Variants in KCNIP4 observed in about 807,000 individuals in gnomAD.
The protein encoded by KCNIP4 is Kv channel-interacting protein 4.
KCNIP4 carries 12 observed loss-of-function variants against 34.0 expected under a neutral mutation model. The observed-to-expected ratio is 0.35, with a 90% CI of 0.23 to 0.57. The LOEUF (loss-of-function observed/expected upper bound fraction) is 0.57, where lower values mean the gene tolerates loss of function less well. KCNIP4 is among the 20% of genes least tolerant of loss of function. The pLI is 0.83. For synonymous variants in KCNIP4, 124 were observed against 102.2 expected, an observed-to-expected ratio of 1.21 and a Z score of -1.29; for missense variants, 238 against 311.7, an observed-to-expected ratio of 0.76 and a Z score of 1.78.
chr4:21,213,598 G>A (rs955916161), intron 1 of KCNIP4, among the ~76,000 whole-genome samples: 8 of 151,974 alleles, frequency 5.3e-5, no homozygotes, highest in African/African-American at 7.2e-5. Flanking sequence ...CACCATGCAC[G>A]GCCGAAAGCA....
chr4:21,773,729 CCT>C lies in KCNIP4; in HGVS notation c.61+174840_61+174841del, dbSNP rs932981796. 1.0e-4 allele frequency among the ~76,000 whole-genome samples: 11 copies of C among 108,422 alleles called. No homozygotes were observed. In the South Asian group the frequency reaches 1.2e-3, roughly 12 times the overall value. 71.1% of individuals were successfully genotyped at this position (108,422 alleles called of 152,430 possible). A position where few individuals can be genotyped will look rare whatever the true frequency, so the allele number is the denominator to read the frequency against. On this transcript the variant is annotated intron_variant, in intron 1 of 8. Coordinates refer to ENST00000382152, the MANE Select transcript of KCNIP4 (RefSeq NM_025221.6). ...TTTGTAGGAGACTAGCATTGCAACC[CCT>C]GTTTTTTTTTGTTGTTTTTTTTTTT...
rs532194686 is a variant in KCNIP4 at position 20,902,004 on chromosome 4, A to G, written c.62-19295T>C. ...CTTTGTGTTAGCTTTGATCTTTGGA[A>G]TTCTGCGGTGGTACAAGGTCATGAT... On this transcript the variant is annotated intron_variant, in intron 1 of 8. Coordinates refer to ENST00000382152, the MANE Select transcript of KCNIP4 (RefSeq NM_025221.6). Among the ~76,000 whole-genome samples, 13 of 152,264 alleles carry G rather than the reference A, an allele frequency of 8.5e-5. No individual in the cohort carries two copies. In the South Asian group the frequency reaches 1.7e-3, roughly 19 times the overall value.
intron 1 of KCNIP4, among the ~76,000 whole-genome samples, chr4:21,474,662 A>G (rs557483833): frequency 2.3e-4 from 35 of 152,170 alleles, no homozygotes; most frequent in African/African-American, 8.2e-4. Flanking sequence ...AACAGAAAGG[A>G]GGGAGAGACT....
At chr4:21,321,389 A>G (rs1459674984) in intron 1 of KCNIP4, among the ~76,000 whole-genome samples, 1 of 152,202 alleles carries the variant, frequency 6.6e-6, no homozygotes, top group Admixed American at 6.5e-5. Flanking sequence ...TTATGTGGCT[A>G]AGTGACAACC....
At chr4:21,065,754 A>C (rs1044666027) in intron 1 of KCNIP4, among the ~76,000 whole-genome samples, 2 of 143,456 alleles carry the variant, frequency 1.4e-5, no homozygotes, top group Non-Finnish European at 3.0e-5. Context: ...ATATATATAT[A>C]TATATATATA....
intron 1 of KCNIP4, among the ~76,000 whole-genome samples, chr4:21,120,956 C>A (rs939346753): frequency 6.6e-6 from 1 of 152,162 alleles, no homozygotes; most frequent in Non-Finnish European, 1.5e-5. Flanking sequence ...TGGGGAGGCA[C>A]AATTCAGCCC....
intron 1 of KCNIP4, among the ~76,000 whole-genome samples, chr4:21,259,299 G>A (rs1407607986): frequency 6.6e-6 from 1 of 152,164 alleles, no homozygotes; most frequent in Non-Finnish European, 1.5e-5. Flanking sequence ...TGAGAAGACT[G>A]GCCTAGTTCA....
intron 1 of KCNIP4, among the ~76,000 whole-genome samples, chr4:21,283,893 A>G (rs1462276908): frequency 6.6e-6 from 1 of 152,080 alleles, no homozygotes; most frequent in Non-Finnish European, 1.5e-5. Context: ...CCATTAGCAC[A>G]TATTATTAAA....
intron 1 of KCNIP4, among the ~76,000 whole-genome samples, chr4:21,796,284 C>T (rs1720619429): frequency 6.6e-6 from 1 of 152,110 alleles, no homozygotes; most frequent in South Asian, 2.1e-4. Flanking sequence ...TCTCTCCAAC[C>T]TTTCATTCTC....
rs545472886 is a variant in KCNIP4, at chr4:21,005,878, A to ATAT, written c.62-123170_62-123169insATA. Among the ~76,000 whole-genome samples, 421 of 152,288 alleles carry ATAT rather than the reference A, an allele frequency of 2.8e-3. 3 individuals carry two copies. The highest frequency in any genetic ancestry group is 4.6e-3 in the Non-Finnish European group (316 of 68,022). On this transcript the variant is annotated intron_variant, in intron 1 of 8. Transcript: ENST00000382152. ...AGTATTACGCAATTATTTTTATCCT[A>ATAT]AAACATACTCTTTCCCCTGACATTT...
chr4:21,204,274 C>A (rs1385995783), intron 1 of KCNIP4, among the ~76,000 whole-genome samples: 1 of 152,164 alleles, frequency 6.6e-6, no homozygotes, highest in African/African-American at 2.4e-5. Flanking sequence ...TCACTCCTAG[C>A]TTTACTATTT....
At chr4:21,466,035 G>GTACTATGCT (rs3083795) in intron 1 of KCNIP4, among the ~76,000 whole-genome samples, 4,662 of 152,172 alleles carry the variant, frequency 0.031, 256 homozygotes, top group African/African-American at 0.11. Flanking sequence ...TGACCACCTG[G>GTACTATGCT]TACTATGCTT....
chr4:20,870,131 G>A (rs1441742673), intron 2 of KCNIP4, among the ~76,000 whole-genome samples: 1 of 152,126 alleles, frequency 6.6e-6, no homozygotes, highest in African/African-American at 2.4e-5. Context: ...CAAAGACACA[G>A]AGTGATAAGG....
chr4:20,825,564 G>A (rs1229565921), intron 3 of KCNIP4, among the ~76,000 whole-genome samples: 1 of 152,166 alleles, frequency 6.6e-6, no homozygotes, highest in Non-Finnish European at 1.5e-5. Flanking sequence ...TAGCTTTGGG[G>A]TATGGAGAAC....
At chr4:21,666,585 T>C (rs1189555054) in intron 1 of KCNIP4, among the ~76,000 whole-genome samples, 1 of 152,220 alleles carries the variant, frequency 6.6e-6, no homozygotes, top group Admixed American at 6.5e-5. Flanking sequence ...TGTTCTGGTC[T>C]CTACTGATTT....
intron 1 of KCNIP4, among the ~76,000 whole-genome samples, chr4:21,152,473 CA>C (rs1752824935): frequency 6.6e-6 from 1 of 152,008 alleles, no homozygotes; most frequent in Non-Finnish European, 1.5e-5. Context: ...TTGCTTCTAT[CA>C]CTGCCCCACC....
intron 1 of KCNIP4, among the ~76,000 whole-genome samples, chr4:21,226,713 G>A (rs1452031886): frequency 1.3e-5 from 2 of 152,158 alleles, no homozygotes; most frequent in African/African-American, 4.8e-5. Flanking sequence ...TTCAGGGCCT[G>A]GGAGAATGTG....
At chr4:20,735,222 G>T (rs1749297773) in intron 5 of KCNIP4, among the ~76,000 whole-genome samples, 1 of 152,170 alleles carries the variant, frequency 6.6e-6, no homozygotes, top group Non-Finnish European at 1.5e-5. Flanking sequence ...GTAAGAGCAT[G>T]GAACTGGAAA....
chr4:21,512,289 T>G (rs1388785698), intron 1 of KCNIP4, among the ~76,000 whole-genome samples: 1 of 152,140 alleles, frequency 6.6e-6, no homozygotes, highest in African/African-American at 2.4e-5. Flanking sequence ...AGTGACCACA[T>G]TTTGAACTGA....
Sources: gnomAD v4.1 joint callset for allele counts (sites outside exome capture counted in the v4.1 genomes callset) on GRCh38, gnomAD v4.1.1 for gene constraint, MANE v1.5 for transcripts, NCBI Gene and HGNC (gene_info 2026-07-23, HGNC 2026-07-21) for gene names.